The following HS6ST2 variants were observed in gnomAD, a reference collection of about 807,000 sequenced individuals.
HS6ST2 encodes heparan-sulfate 6-O-sulfotransferase 2.
HS6ST2 carries 17 observed loss-of-function variants against 33.0 expected under a neutral mutation model. That is an observed-to-expected ratio of 0.52 (90% CI 0.35 to 0.77). The LOEUF (loss-of-function observed/expected upper bound fraction) is 0.77. HS6ST2 is among the 30% of genes least tolerant of loss of function. The pLI, the probability that HS6ST2 is intolerant of heterozygous loss-of-function variation, is 0.01. For missense variants in HS6ST2, 519 were observed against 551.7 expected (o/e 0.94, Z 0.59); for synonymous variants, 248 against 237.1 (o/e 1.05, Z -0.42).
At chrX:132,678,069 C>A (rs1419017176) in intron 3 of HS6ST2, among the ~76,000 whole-genome samples, 1 of 111,933 alleles carries the variant, frequency 8.9e-6, no homozygotes, top group Non-Finnish European at 1.9e-5. Context: ...AAAAGTGCAT[C>A]TGGGCTAGGT....
At chrX:132,955,563 C>T (rs189938384) in intron 2 of HS6ST2, among the ~76,000 whole-genome samples, 2 of 112,097 alleles carry the variant, frequency 1.8e-5, no homozygotes, top group African/African-American at 6.5e-5. Flanking sequence ...CAAGTGCACC[C>T]GGGGGATGGG....
At chrX:132,790,128 C>G (rs150929730) in intron 2 of HS6ST2, among the ~76,000 whole-genome samples, 1 of 111,977 alleles carries the variant, frequency 8.9e-6, no homozygotes, top group East Asian at 2.8e-4. Context: ...ACAGAGAAAT[C>G]TTTTGTGAAA....
chrX:132,912,984 T>C (rs1569503380), intron 2 of HS6ST2, among the ~76,000 whole-genome samples: 1 of 111,167 alleles, frequency 9.0e-6, no homozygotes, highest in Non-Finnish European at 1.9e-5. Flanking sequence ...GTGGTGCCCT[T>C]GTTTTAGCCT....
intron 2 of HS6ST2, among the ~76,000 whole-genome samples, chrX:132,930,309 G>A (rs944167417): frequency 9.0e-6 from 1 of 110,944 alleles, no homozygotes; most frequent in Admixed American, 9.6e-5. Flanking sequence ...TTACAGACAT[G>A]TGCCACCAAG....
chrX:132,801,881 C>T (rs1569492584), intron 2 of HS6ST2, among the ~76,000 whole-genome samples: 1 of 111,916 alleles, frequency 8.9e-6, no homozygotes, highest in Admixed American at 9.5e-5. Context: ...TCCAATTAAA[C>T]ATGTGGCTTT....
intron 2 of HS6ST2, among the ~76,000 whole-genome samples, chrX:132,952,344 G>A (rs1007016435): frequency 2.2e-5 from 2 of 90,168 alleles, no homozygotes; most frequent in Non-Finnish European, 4.4e-5. Flanking sequence ...CTGAAGAAAT[G>A]TATCCTCAGC....
chrX:132,654,870 C>T (rs1171529991), intron 4 of HS6ST2, among the ~76,000 whole-genome samples: 10 of 112,013 alleles, frequency 8.9e-5, no homozygotes, highest in Non-Finnish European at 3.8e-5. Flanking sequence ...CAGAACTTTG[C>T]TGGAGAGATA....
At chrX:132,876,232 A>T (rs1244517350) in intron 2 of HS6ST2, among the ~76,000 whole-genome samples, 1 of 111,046 alleles carries the variant, frequency 9.0e-6, no homozygotes, top group African/African-American at 3.3e-5. Context: ...GGAAGGCTTA[A>T]TCTACCTTCA....
chrX:132,777,207 G>A (rs1423600194), intron 2 of HS6ST2, among the ~76,000 whole-genome samples: 2 of 107,269 alleles, frequency 1.9e-5, no homozygotes, highest in East Asian at 5.9e-4. Context: ...CCAGTGTTGA[G>A]AAGGGTTGTC....
At chrX:132,769,285 A>T (rs138574678) in intron 2 of HS6ST2, among the ~76,000 whole-genome samples, 1 of 112,512 alleles carries the variant, frequency 8.9e-6, no homozygotes, top group African/African-American at 3.2e-5. Flanking sequence ...AAGCAAGAAG[A>T]CAATAATATT....
intron 2 of HS6ST2, among the ~76,000 whole-genome samples, chrX:132,713,983 T>C (rs1401937106): frequency 1.8e-5 from 2 of 111,929 alleles, no homozygotes; most frequent in African/African-American, 6.5e-5. Context: ...ATATTTTTGA[T>C]AGGGATGTGT....
At position 132,768,934 on chromosome X, in the gene HS6ST2, T is replaced by A. The variant is rs551902173; in HGVS notation, c.948-60440A>T. 4.6e-4 allele frequency among the ~76,000 whole-genome samples: 52 copies of A among 112,772 alleles called. 1 individual carries two copies. The South Asian group carries it at 0.018, about 40-fold the overall frequency. On this transcript the variant is annotated intron_variant, in intron 2 of 4. Coordinates refer to ENST00000370833, the MANE Select transcript of HS6ST2 (RefSeq NM_001394073.1). ...AACATTCAAATTTGCTTCTTTTATG[T>A]GGTGTGATTAAAAGTCCTGTGTAGT...
In HS6ST2 at chrX:132,793,048, C is replaced by CTTTT. The variant is rs755535720; in HGVS notation, c.948-84558_948-84555dup. ...AAGTTGCAAATCTCCAAATAAACTCCTTTTTTTTTTTTTTTTTTTTTTTTT... is the reference window on the plus strand; with the variant it reads ...AAGTTGCAAATCTCCAAATAAACTCCTTTTTTTTTTTTTTTTTTTTTTTTTTTTT... On this transcript the variant is annotated intron_variant, in intron 2 of 4. Coordinates refer to ENST00000370833, the MANE Select transcript of HS6ST2 (RefSeq NM_001394073.1). 1.1e-3 allele frequency among the ~76,000 whole-genome samples: 58 copies of CTTTT among 53,239 alleles called. 10 individuals are homozygous for CTTTT. The highest frequency in any genetic ancestry group is 3.8e-3 in the African/African-American group (36 of 9,561). 46.2% of individuals were successfully genotyped at this position (53,239 alleles called of 115,157 possible).
At chrX:132,727,570 T>C (rs1281333048) in intron 2 of HS6ST2, among the ~76,000 whole-genome samples, 4 of 111,480 alleles carry the variant, frequency 3.6e-5, no homozygotes, top group Non-Finnish European at 5.7e-5. Context: ...TAAGAGAAAC[T>C]AGCTCGAAAG....
intron 2 of HS6ST2, among the ~76,000 whole-genome samples, chrX:132,724,819 AC>A (rs2064376964): frequency 8.9e-6 from 1 of 111,977 alleles, no homozygotes; most frequent in African/African-American, 3.2e-5. Flanking sequence ...GGTCAATGGA[AC>A]AGAATAGAGG....
Position 132,956,795 on chromosome X carries a change from G to T in HS6ST2, c.947+13C>A. On this transcript the variant is annotated intron_variant, in intron 2 of 4. Transcript: ENST00000370833. ...TAGGCCCGGGTCCCGCTCGACTACC[G>T]GCGCGCACTCACCTGGACGGTCTCA... 2 of 1,151,011 alleles carry T rather than the reference G, an allele frequency of 1.7e-6. No homozygotes were observed. Among genetic ancestry groups the T allele is most frequent in the Non-Finnish European group, 2.3e-6 (2 of 862,369 alleles). The allele number at this position is 1,151,011 out of a possible 1,213,427, so 94.9% of individuals were successfully genotyped here. A position where few individuals can be genotyped will look rare whatever the true frequency, so the allele number is the denominator to read the frequency against.
At chrX:132,870,308 G>A (rs1486406129) in intron 2 of HS6ST2, among the ~76,000 whole-genome samples, 1 of 111,776 alleles carries the variant, frequency 8.9e-6, no homozygotes, top group African/African-American at 3.3e-5. Flanking sequence ...TTCATGGATA[G>A]GAAGAATGAA....
intron 2 of HS6ST2, among the ~76,000 whole-genome samples, chrX:132,776,093 T>C (rs146890400): frequency 3.8e-4 from 43 of 111,719 alleles, no homozygotes; most frequent in African/African-American, 1.3e-3. Context: ...TTCCAGGTGC[T>C]TGCAACAATT....
intron 2 of HS6ST2, among the ~76,000 whole-genome samples, chrX:132,925,128 A>AT (rs1340462865): frequency 9.0e-6 from 1 of 111,451 alleles, no homozygotes; most frequent in African/African-American, 3.3e-5. Flanking sequence ...ATGACAAATG[A>AT]TTTAATCAGT....
Sources: gnomAD v4.1 joint callset for allele counts (sites outside exome capture counted in the v4.1 genomes callset) on GRCh38, gnomAD v4.1.1 for gene constraint, MANE v1.5 for transcripts, NCBI Gene and HGNC (gene_info 2026-07-23, HGNC 2026-07-21) for gene names.